GPHN: variants seen among roughly 807,000 people sequenced by gnomAD.
The protein encoded by GPHN is gephyrin.
A neutral mutation model predicts 95.5 loss-of-function variants in GPHN; 17 were observed. The observed-to-expected ratio is 0.18, with a 90% confidence interval of 0.12 to 0.27. GPHN has a LOEUF of 0.27. GPHN is among the 10% of genes least tolerant of loss of function. The pLI is 1.00. For missense variants in GPHN, 660 were observed against 978.1 expected (o/e 0.67, Z 4.34); for synonymous variants, 320 against 322.5 (o/e 0.99, Z 0.08).
At chr14:67,734,159 G>T in the GPHN span, 6 of 329,288 alleles carry the variant, frequency 1.8e-5, no homozygotes, top group South Asian at 1.6e-4. Flanking sequence ...CCGAGAAATT[G>T]GGTCAGTTCC....
chr14:66,858,830 C>A (rs2062906731), intron 4 of GPHN, among the ~76,000 whole-genome samples: 3 of 152,010 alleles, frequency 2.0e-5, no homozygotes, highest in Non-Finnish European at 4.4e-5. Context: ...ACTGCAGAGC[C>A]CTTGGGCCTA....
the GPHN span, chr14:67,382,807 G>A: frequency 7.3e-6 from 4 of 546,894 alleles, no homozygotes; most frequent in Non-Finnish European, 1.3e-5. Context: ...GAATTTGCAT[G>A]TGGCATGTCT....
At chr14:67,201,438 C>T in the GPHN span, 2 of 456,088 alleles carry the variant, frequency 4.4e-6, no homozygotes, top group Non-Finnish European at 4.4e-6. Flanking sequence ...AAGCCAGCTC[C>T]CCTCAGGGCC....
At chr14:66,992,497 A>C (rs2071504227) in intron 9 of GPHN, among the ~76,000 whole-genome samples, 1 of 152,174 alleles carries the variant, frequency 6.6e-6, no homozygotes, top group Non-Finnish European at 1.5e-5. Flanking sequence ...ATGTTTAACA[A>C]TTAATTTCCT....
the GPHN span, chr14:67,312,769 T>C: frequency 7.8e-7 from 1 of 1,289,388 alleles, no homozygotes. Flanking sequence ...AATGCAAGCC[T>C]TCACAAAGAA....
the GPHN span, chr14:67,388,140 C>T: frequency 2.3e-6 from 2 of 857,550 alleles, no homozygotes; most frequent in African/African-American, 3.3e-5. Flanking sequence ...GCTCCCAAAG[C>T]TGTCATTTCA....
chr14:66,524,603 C>T (rs539272594), intron 1 of GPHN, among the ~76,000 whole-genome samples: 1 of 152,102 alleles, frequency 6.6e-6, no homozygotes, highest in Non-Finnish European at 1.5e-5. Flanking sequence ...ACCCATCAAC[C>T]TGTCATCTAC....
At chr14:66,877,391 A>G (rs13379426) in intron 4 of GPHN, among the ~76,000 whole-genome samples, 10,527 of 152,208 alleles carry the variant, frequency 0.069, 891 homozygotes, top group African/African-American at 0.19. Flanking sequence ...GGCCAGAGCA[A>G]TCAGGCAAGA....
the GPHN span, chr14:67,199,989 G>A: frequency 3.7e-6 from 4 of 1,084,922 alleles, no homozygotes; most frequent in South Asian, 4.9e-5. Context: ...CTCAGATGCA[G>A]CTGGCACACC....
chr14:66,872,127 T>C (rs2063465184), intron 4 of GPHN, among the ~76,000 whole-genome samples: 1 of 152,232 alleles, frequency 6.6e-6, no homozygotes, highest in South Asian at 2.1e-4. Flanking sequence ...GATTAACTAA[T>C]TTATATGCGT....
At chr14:67,601,918 G>A in the GPHN span, among the ~76,000 whole-genome samples, 1,110 of 150,922 alleles carry the variant, frequency 7.4e-3, 17 homozygotes, top group African/African-American at 0.025. Context: ...GGTCTCACCA[G>A]CTTTAAGTCT....
intron 8 of GPHN, among the ~76,000 whole-genome samples, chr14:66,944,105 A>G (rs1387328545): frequency 6.6e-6 from 1 of 152,248 alleles, no homozygotes; most frequent in Non-Finnish European, 1.5e-5. Flanking sequence ...AAATATACCT[A>G]TAATTTGAAT....
intron 18 of GPHN, among the ~76,000 whole-genome samples, chr14:67,156,740 G>A (rs771354748): frequency 6.6e-6 from 1 of 152,114 alleles, no homozygotes; most frequent in African/African-American, 2.4e-5. Flanking sequence ...ACTTTAGGAG[G>A]CTGAGGTGGA....
the GPHN span, among the ~76,000 whole-genome samples, chr14:67,552,891 A>G: frequency 0.29 from 44,785 of 152,138 alleles, 6,995 homozygotes; most frequent in East Asian, 0.48. Flanking sequence ...GGCTCTGAAA[A>G]GTGCCTTGCC....
the GPHN span, chr14:67,562,662 G>A: frequency 9.9e-6 from 16 of 1,612,556 alleles, no homozygotes; most frequent in South Asian, 4.4e-5. Flanking sequence ...CACTTTGGCC[G>A]TGTGGTGAAC....
At chr14:67,675,281 G>C in the GPHN span, among the ~76,000 whole-genome samples, 2 of 152,122 alleles carry the variant, frequency 1.3e-5, no homozygotes, top group African/African-American at 4.8e-5. Context: ...GCCGAGGTGG[G>C]AGGATTGCTT....
At chr14:67,263,833 T>C in the GPHN span, among the ~76,000 whole-genome samples, 1 of 145,258 alleles carries the variant, frequency 6.9e-6, no homozygotes, top group East Asian at 2.3e-4. Context: ...CATCACTGCT[T>C]ACTCAACCAT....
chr14:67,097,751 A>G (rs2077473028), intron 12 of GPHN, among the ~76,000 whole-genome samples: 1 of 152,098 alleles, frequency 6.6e-6, no homozygotes, highest in African/African-American at 2.4e-5. Flanking sequence ...TAATGTGATT[A>G]TTTGATTAAT....
intron 1 of GPHN, among the ~76,000 whole-genome samples, chr14:66,551,921 C>T (rs539075979): frequency 6.6e-6 from 1 of 152,268 alleles, no homozygotes; most frequent in East Asian, 1.9e-4. Flanking sequence ...TTGGGGATTA[C>T]AATTCTGCAT....
Sources: gnomAD v4.1 joint callset for allele counts (sites outside exome capture counted in the v4.1 genomes callset) on GRCh38, gnomAD v4.1.1 for gene constraint, MANE v1.5 for transcripts, NCBI Gene and HGNC (gene_info 2026-07-23, HGNC 2026-07-21) for gene names.